CIMIP6: variants seen among roughly 807,000 people sequenced by gnomAD.
CIMIP6 encodes ciliary microtubule inner protein 6, also known as uncharacterized protein C2orf73.
At chr2:54,357,588 T>G in the CIMIP6 span, among the ~76,000 whole-genome samples, 1 of 151,104 alleles carries the variant, frequency 6.6e-6, no homozygotes, top group Non-Finnish European at 1.5e-5. Context: ...TTTTTTTTTT[T>G]TTTTTTGAGA....
At chr2:54,367,027 T>C in the CIMIP6 span, among the ~76,000 whole-genome samples, 1 of 152,054 alleles carries the variant, frequency 6.6e-6, no homozygotes, top group African/African-American at 2.4e-5. Context: ...AGCTAGTAAA[T>C]AGCCAAATTG....
chr2:54,359,409 A>G, the CIMIP6 span, among the ~76,000 whole-genome samples: 1 of 152,006 alleles, frequency 6.6e-6, no homozygotes, highest in African/African-American at 2.4e-5. Flanking sequence ...TCCAAACATA[A>G]TAATTTGAAT....
At chr2:54,374,880 C>A in the CIMIP6 span, among the ~76,000 whole-genome samples, 4 of 152,238 alleles carry the variant, frequency 2.6e-5, no homozygotes, top group Non-Finnish European at 5.9e-5. Flanking sequence ...AGGCTCCGTG[C>A]AGCCTTCCCC....
chr2:54,357,849 TGCTGGGATTACA>T, the CIMIP6 span, among the ~76,000 whole-genome samples: 1 of 152,006 alleles, frequency 6.6e-6, no homozygotes, highest in African/African-American at 2.4e-5. Context: ...CCTCCCAAAG[TGCTGGGATTACA>T]GGCGTGGGCT....
the CIMIP6 span, chr2:54,340,028 C>T: frequency 1.0e-5 from 1 of 98,130 alleles, no homozygotes; most frequent in East Asian, 2.2e-4. Context: ...CACAGTGCAA[C>T]AGCCCTTGGC....
chr2:54,342,234 T>C, the CIMIP6 span, among the ~76,000 whole-genome samples: 3 of 152,188 alleles, frequency 2.0e-5, no homozygotes, highest in Non-Finnish European at 4.4e-5. Flanking sequence ...GTTCATCCCA[T>C]CTTTTTCAAG....
chr2:54,360,615 A>G, the CIMIP6 span: 42 of 1,428,236 alleles, frequency 2.9e-5, no homozygotes, highest in Non-Finnish European at 3.8e-5. Context: ...AAATTTCACA[A>G]TCATCATCTT....
the CIMIP6 span, among the ~76,000 whole-genome samples, chr2:54,345,292 G>C: frequency 6.6e-6 from 1 of 152,250 alleles, no homozygotes; most frequent in South Asian, 2.1e-4. Flanking sequence ...GTAAAAATGG[G>C]ACAAGGCAAA....
chr2:54,337,411 A>C, the CIMIP6 span, among the ~76,000 whole-genome samples: 1 of 151,832 alleles, frequency 6.6e-6, no homozygotes, highest in Non-Finnish European at 1.5e-5. Flanking sequence ...GAAAGAAATC[A>C]ATTGTTATTG....
the CIMIP6 span, among the ~76,000 whole-genome samples, chr2:54,369,223 G>C: frequency 6.6e-6 from 1 of 152,108 alleles, no homozygotes; most frequent in Non-Finnish European, 1.5e-5. Context: ...TGTGTATTTG[G>C]TGTGTATGTG....
At chr2:54,360,111 G>C in the CIMIP6 span, 1 of 1,436,252 alleles carries the variant, frequency 7.0e-7, no homozygotes, top group Non-Finnish European at 9.2e-7. Flanking sequence ...TCACTGACTA[G>C]GACTTGAGCT....
At chr2:54,367,261 C>A in the CIMIP6 span, among the ~76,000 whole-genome samples, 5 of 152,220 alleles carry the variant, frequency 3.3e-5, no homozygotes, top group African/African-American at 1.2e-4. Flanking sequence ...TATATATTAA[C>A]TATGAGGATG....
the CIMIP6 span, among the ~76,000 whole-genome samples, chr2:54,369,172 C>T: frequency 5.3e-5 from 8 of 152,062 alleles, no homozygotes; most frequent in African/African-American, 1.7e-4. Context: ...CAAAACACTG[C>T]GAAAGGCAAA....
the CIMIP6 span, among the ~76,000 whole-genome samples, chr2:54,353,385 G>A: frequency 4.6e-5 from 7 of 152,186 alleles, no homozygotes; most frequent in South Asian, 1.5e-3. Context: ...GACGAACCCT[G>A]CAGGCCAGGT....
the CIMIP6 span, among the ~76,000 whole-genome samples, chr2:54,338,326 T>C: frequency 6.6e-6 from 1 of 151,994 alleles, no homozygotes. Flanking sequence ...TCCCAGCTAC[T>C]TAGGAGGCTG....
the CIMIP6 span, among the ~76,000 whole-genome samples, chr2:54,362,208 A>G: frequency 6.6e-6 from 1 of 152,196 alleles, no homozygotes; most frequent in African/African-American, 2.4e-5. Flanking sequence ...CAACACAAAA[A>G]AGGAATCCCT....
the CIMIP6 span, among the ~76,000 whole-genome samples, chr2:54,372,884 C>G: frequency 6.6e-6 from 1 of 152,130 alleles, no homozygotes; most frequent in Non-Finnish European, 1.5e-5. Context: ...ATGTTTCAAA[C>G]CAGGGTCATC....
At chr2:54,354,595 AAT>A in the CIMIP6 span, among the ~76,000 whole-genome samples, 513 of 152,134 alleles carry the variant, frequency 3.4e-3, 10 homozygotes, top group Admixed American at 0.023. Flanking sequence ...TTCTACTAAG[AAT>A]ATATGTTATT....
At chr2:54,348,723 T>C in the CIMIP6 span, among the ~76,000 whole-genome samples, 2 of 152,228 alleles carry the variant, frequency 1.3e-5, no homozygotes, top group African/African-American at 4.8e-5. Context: ...ACCATAAGCA[T>C]ATGAACATGC....
Sources: allele counts gnomAD v4.1 joint callset (sites outside exome capture counted in the v4.1 genomes callset), GRCh38; gene constraint gnomAD v4.1.1; transcripts MANE v1.5; gene names NCBI Gene and HGNC (gene_info 2026-07-23, HGNC 2026-07-21).